Variants in RSU1 observed in about 807,000 individuals in gnomAD.
RSU1 encodes Ras suppressor protein 1, also known as rsu-1.
RSU1 carries 26 observed loss-of-function variants against 31.1 expected under a neutral mutation model. That is an observed-to-expected ratio of 0.84 (90% confidence interval 0.61 to 1.16). The LOEUF (loss-of-function observed/expected upper bound fraction) is 1.16, where lower values mean the gene tolerates loss of function less well. RSU1 is among the 50% of genes most tolerant of loss of function. RSU1 has a pLI of 0.00. For missense variants in RSU1, 320 were observed against 339.1 expected, an observed-to-expected ratio of 0.94 and a Z score of 0.44; for synonymous variants, 164 against 136.3, an observed-to-expected ratio of 1.20 and a Z score of -1.41.
At chr10:16,799,935 C>T (rs115604160) in intron 2 of RSU1, among the ~76,000 whole-genome samples, 40 of 152,276 alleles carry the variant, frequency 2.6e-4, no homozygotes, top group African/African-American at 8.9e-4. Context: ...GATTACAGAA[C>T]GTTTCCCTTT....
intron 3 of RSU1, among the ~76,000 whole-genome samples, chr10:16,778,018 C>CT (rs10685188): frequency 0.29 from 34,270 of 117,494 alleles, 5,973 homozygotes; most frequent in East Asian, 0.52. Flanking sequence ...GGTCATATAC[C>CT]TTTTTTTTTT....
intron 8 of RSU1, among the ~76,000 whole-genome samples, chr10:16,668,356 G>C (rs1416972506): frequency 6.6e-6 from 1 of 152,138 alleles, no homozygotes; most frequent in African/African-American, 2.4e-5. Context: ...GTGCAATGAA[G>C]GACGATGAGT....
intron 7 of RSU1, among the ~76,000 whole-genome samples, chr10:16,702,420 C>T (rs909804777): frequency 2.0e-5 from 3 of 152,354 alleles, no homozygotes; most frequent in Admixed American, 6.5e-5. Flanking sequence ...TCAACGCCAG[C>T]CCAATAGAGC....
chr10:16,600,909 T>C (rs1833705952), intron 8 of RSU1, among the ~76,000 whole-genome samples: 1 of 152,066 alleles, frequency 6.6e-6, no homozygotes, highest in African/African-American at 2.4e-5. Flanking sequence ...TTGGAAAAAT[T>C]GAGTCTTATG....
intron 7 of RSU1, among the ~76,000 whole-genome samples, chr10:16,708,661 T>C (rs1353205490): frequency 6.6e-6 from 1 of 152,198 alleles, no homozygotes; most frequent in Non-Finnish European, 1.5e-5. Context: ...ATCTGTAGAT[T>C]ATTTTAGGTA....
intron 7 of RSU1, among the ~76,000 whole-genome samples, chr10:16,725,720 T>C (rs539302915): frequency 1.6e-4 from 24 of 151,280 alleles, no homozygotes; most frequent in African/African-American, 5.8e-4. Flanking sequence ...ATCTGTCCGC[T>C]CCTTGATCTC....
rs142461595 is a variant in RSU1 at position 16,593,492 on chromosome 10, A to G, written c.736T>C (p.Tyr246His). The change falls in exon 9 of 9, where the codon TAC becomes CAC. Residue 246 changes from tyrosine (Y) to histidine (H), a missense_variant. By Grantham distance (83) the Tyr-to-His change is moderately conservative (BLOSUM62 2). Coordinates refer to ENST00000345264, the MANE Select transcript of RSU1 (RefSeq NM_012425.4). Reference sequence around the variant, plus strand: ...GGGTTGGCCTGCATGTGTCTGCCGTAGAGGCTGCAAAGACAGAGAAAGGAC... The same window carrying G: ...GGGTTGGCCTGCATGTGTCTGCCGTGGAGGCTGCAAAGACAGAGAAAGGAC... ...YIRSETYKYLYGRHMQANPEP... is the reference protein window; with the variant it reads ...YIRSETYKYLHGRHMQANPEP... 1.9e-6 allele frequency: 3 copies of G among 1,612,522 alleles called. No individual in the cohort carries two copies. The highest frequency in any genetic ancestry group is 4.5e-5 in the East Asian group (2 of 44,874).
chr10:16,677,654 T>C (rs993757991), intron 8 of RSU1, among the ~76,000 whole-genome samples: 15 of 152,206 alleles, frequency 9.9e-5, no homozygotes, highest in African/African-American at 2.4e-5. Context: ...TTTTACTTTA[T>C]GGCCAGTATT....
In RSU1 at chr10:16,663,936, GGGGT is replaced by G. The variant is rs1212406688; in HGVS notation, c.731+31083_731+31086del. ...TAAGAAAAGAGTGCTGGGTAGTAGTGGGGTCTTTCTTGGGCAGTGACGGGTACAG... is the reference window on the plus strand; with the variant it reads ...TAAGAAAAGAGTGCTGGGTAGTAGTGCTTTCTTGGGCAGTGACGGGTACAG... On this transcript the variant is annotated intron_variant, in intron 8 of 8. Transcript: ENST00000345264. Among the ~76,000 whole-genome samples, 3 of 152,126 alleles carry G rather than the reference GGGGT, an allele frequency of 2.0e-5. No individual in the cohort carries two copies. In the South Asian group the frequency reaches 6.2e-4, roughly 32 times the overall value.
chr10:16,643,987 T>A (rs943268663), intron 8 of RSU1, among the ~76,000 whole-genome samples: 3 of 151,828 alleles, frequency 2.0e-5, no homozygotes, highest in Non-Finnish European at 4.4e-5. Flanking sequence ...TTACAAGTAA[T>A]CCAGAGATGA....
At chr10:16,641,561 T>C (rs1834443130) in intron 8 of RSU1, among the ~76,000 whole-genome samples, 1 of 152,078 alleles carries the variant, frequency 6.6e-6, no homozygotes, top group Admixed American at 6.6e-5. Context: ...GAATTGGTTG[T>C]TGTAAGTACA....
intron 8 of RSU1, among the ~76,000 whole-genome samples, chr10:16,664,310 C>G (rs139414976): frequency 2.0e-5 from 3 of 152,302 alleles, no homozygotes; most frequent in South Asian, 2.1e-4. Flanking sequence ...GCTGCTCACA[C>G]GCACTGATGA....
chr10:16,713,184 A>G (rs1836058495), intron 7 of RSU1, among the ~76,000 whole-genome samples: 2 of 152,186 alleles, frequency 1.3e-5, no homozygotes, highest in African/African-American at 4.8e-5. Context: ...TGTGCCTCAG[A>G]GAGGACTGAA....
At chr10:16,709,440 G>A (rs914041638) in intron 7 of RSU1, among the ~76,000 whole-genome samples, 1 of 152,122 alleles carries the variant, frequency 6.6e-6, no homozygotes, top group African/African-American at 2.4e-5. Flanking sequence ...ATTGTGAATA[G>A]TGCCGCAATA....
At chr10:16,707,119 T>C (rs1174909689) in intron 7 of RSU1, among the ~76,000 whole-genome samples, 3 of 152,218 alleles carry the variant, frequency 2.0e-5, no homozygotes, top group Non-Finnish European at 4.4e-5. Flanking sequence ...TATGTATATA[T>C]ACATTTTCTG....
chr10:16,605,324 C>T (rs917398209), intron 8 of RSU1, among the ~76,000 whole-genome samples: 10 of 152,150 alleles, frequency 6.6e-5, no homozygotes, highest in African/African-American at 2.4e-4. Flanking sequence ...TTCCTGCCTC[C>T]CCTGATAGAA....
intron 2 of RSU1, among the ~76,000 whole-genome samples, chr10:16,807,617 C>T (rs887001872): frequency 6.6e-6 from 1 of 152,176 alleles, no homozygotes; most frequent in Non-Finnish European, 1.5e-5. Context: ...GATTAAGTTG[C>T]TTCTTATGTT....
intron 2 of RSU1, among the ~76,000 whole-genome samples, chr10:16,795,467 T>C (rs1461255087): frequency 6.6e-6 from 1 of 152,048 alleles, no homozygotes; most frequent in African/African-American, 2.4e-5. Flanking sequence ...CTTTATCAAT[T>C]CACCTATTTC....
At chr10:16,644,783 A>G (rs969530655) in intron 8 of RSU1, among the ~76,000 whole-genome samples, 1 of 152,236 alleles carries the variant, frequency 6.6e-6, no homozygotes, top group African/African-American at 2.4e-5. Flanking sequence ...TCCTATTAAT[A>G]AAAGTGATCT....
Sources: allele counts gnomAD v4.1 joint callset (sites outside exome capture counted in the v4.1 genomes callset), GRCh38; gene constraint gnomAD v4.1.1; transcripts MANE v1.5; gene names NCBI Gene and HGNC (gene_info 2026-07-23, HGNC 2026-07-21).